KCNAB1: variants seen among roughly 807,000 people sequenced by gnomAD.
KCNAB1 encodes voltage-gated potassium channel subunit beta-1.
KCNAB1 carries 35 observed loss-of-function variants against 64.6 expected under a neutral mutation model. The ratio of observed to expected loss-of-function variants is 0.54; its 90% CI spans 0.41 to 0.72. KCNAB1 has a LOEUF of 0.72. Among genes scored for constraint, KCNAB1 ranks in the 30% least tolerant of loss-of-function variants. The pLI is 0.00. For missense variants in KCNAB1, 401 were observed against 512.9 expected (o/e 0.78, Z 2.11); for synonymous variants, 177 against 183.8 (o/e 0.96, Z 0.30).
chr3:156,240,814 G>C (rs953891415), intron 1 of KCNAB1, among the ~76,000 whole-genome samples: 2 of 152,174 alleles, frequency 1.3e-5, no homozygotes, highest in Non-Finnish European at 2.9e-5. Flanking sequence ...AGCACAAGCA[G>C]TTCATTTGGG....
At chr3:156,505,558 T>G (rs1716779926) in intron 8 of KCNAB1, among the ~76,000 whole-genome samples, 1 of 152,210 alleles carries the variant, frequency 6.6e-6, no homozygotes, top group African/African-American at 2.4e-5. Context: ...CTATTTTTTG[T>G]GTGTTCTCTT....
At chr3:156,532,670 G>C (rs1410282715) in intron 13 of KCNAB1, among the ~76,000 whole-genome samples, 1 of 152,142 alleles carries the variant, frequency 6.6e-6, no homozygotes, top group Non-Finnish European at 1.5e-5. Context: ...CTGTGCAGCC[G>C]TGTAATCACC....
chr3:156,320,280 T>C (rs924652792), intron 1 of KCNAB1, among the ~76,000 whole-genome samples: 3 of 152,212 alleles, frequency 2.0e-5, no homozygotes, highest in Non-Finnish European at 4.4e-5. Flanking sequence ...TCAAGGGAAG[T>C]ACATTTTCCT....
chr3:156,463,718 A>G lies in KCNAB1; in HGVS notation c.499A>G (p.Ile167Val). 6.2e-7 allele frequency: 1 copy of G among 1,605,944 alleles called. No individual in the cohort carries two copies. Among genetic ancestry groups the G allele is most frequent in the East Asian group, 2.2e-5 (1 of 44,676 alleles). ...KKGWRRSSLVITTKLYWGGKA... is the reference protein window; with the variant it reads ...KKGWRRSSLVVTTKLYWGGKA... The stretch of plus-strand genomic sequence containing the variant: ...GATATACAGGAGGTCCAGTCTGGTC[A>G]TAACAACCAAACTCTACTGGGGTGG... The change falls in exon 6 of 14, where the codon ATA (isoleucine) becomes GTA (valine). Residue 167 changes from isoleucine (I) to valine (V), a missense_variant. Physicochemically the swap from Ile to Val is conservative, Grantham distance 29. Coordinates refer to ENST00000490337, the MANE Select transcript of KCNAB1 (RefSeq NM_172160.3).
At chr3:156,223,273 A>T (rs1446023027) in intron 1 of KCNAB1, among the ~76,000 whole-genome samples, 4 of 152,234 alleles carry the variant, frequency 2.6e-5, no homozygotes, top group Non-Finnish European at 5.9e-5. Flanking sequence ...AAAGAGTGAA[A>T]GAACAAAGCT....
intron 2 of KCNAB1, among the ~76,000 whole-genome samples, chr3:156,444,811 T>C (rs1201611995): frequency 1.3e-5 from 2 of 152,238 alleles, no homozygotes; most frequent in African/African-American, 4.8e-5. Flanking sequence ...CTTCCCTCTC[T>C]TATTGAAATA....
intron 1 of KCNAB1, among the ~76,000 whole-genome samples, chr3:156,408,577 C>T (rs1048142296): frequency 1.3e-5 from 2 of 152,042 alleles, no homozygotes; most frequent in South Asian, 2.1e-4. Flanking sequence ...GTCAAGAGTT[C>T]GAGACCAGCC....
chr3:156,468,654 A>G (rs1713617855), intron 7 of KCNAB1, among the ~76,000 whole-genome samples: 1 of 152,192 alleles, frequency 6.6e-6, no homozygotes, highest in African/African-American at 2.4e-5. Flanking sequence ...GTCACATAAT[A>G]AGCACTTAAC....
chr3:156,172,282 C>T (rs1316267153), intron 1 of KCNAB1, among the ~76,000 whole-genome samples: 2 of 143,754 alleles, frequency 1.4e-5, no homozygotes, highest in Non-Finnish European at 1.5e-5. Flanking sequence ...ATTCAAATGG[C>T]TTTTTTTTTT....
chr3:156,280,270 A>T (rs1576672309), intron 1 of KCNAB1, among the ~76,000 whole-genome samples: 1 of 148,694 alleles, frequency 6.7e-6, no homozygotes, highest in South Asian at 2.2e-4. Context: ...CAAAGATCAG[A>T]TAGTTGTAGA....
intron 6 of KCNAB1, among the ~76,000 whole-genome samples, chr3:156,465,036 G>A (rs922074604): frequency 6.6e-6 from 1 of 152,132 alleles, no homozygotes; most frequent in African/African-American, 2.4e-5. Context: ...GAAGAAACAT[G>A]TTATGGATAC....
At chr3:156,335,605 A>C (rs1394060299) in intron 1 of KCNAB1, among the ~76,000 whole-genome samples, 1 of 152,236 alleles carries the variant, frequency 6.6e-6, no homozygotes, top group African/African-American at 2.4e-5. Flanking sequence ...CTAGATTTCC[A>C]GGTAAGGAAG....
chr3:156,252,085 A>AG (rs1396010044), intron 1 of KCNAB1, among the ~76,000 whole-genome samples: 2 of 152,182 alleles, frequency 1.3e-5, no homozygotes, highest in East Asian at 3.9e-4. Context: ...CAGGAAATGG[A>AG]GAGGTGTCTT....
intron 1 of KCNAB1, among the ~76,000 whole-genome samples, chr3:156,145,019 G>A (rs1314571326): frequency 1.3e-5 from 2 of 152,140 alleles, no homozygotes; most frequent in African/African-American, 4.8e-5. Flanking sequence ...TGCTTGAGGG[G>A]AGCAGTCATC....
intron 1 of KCNAB1, among the ~76,000 whole-genome samples, chr3:156,391,992 G>A (rs1476649273): frequency 1.3e-5 from 2 of 152,150 alleles, no homozygotes; most frequent in African/African-American, 2.4e-5. Flanking sequence ...GATTAGCTTG[G>A]AGAAGAGAAC....
chr3:156,397,583 C>T (rs1713555103), intron 1 of KCNAB1, among the ~76,000 whole-genome samples: 2 of 152,154 alleles, frequency 1.3e-5, no homozygotes, highest in African/African-American at 4.8e-5. Context: ...CAGTTTGGCT[C>T]ACAGTCTATG....
intron 12 of KCNAB1, among the ~76,000 whole-genome samples, chr3:156,528,721 G>A (rs180803510): frequency 0.012 from 1,773 of 152,296 alleles, 13 homozygotes; most frequent in Non-Finnish European, 0.014. Flanking sequence ...AGAGGAAGAG[G>A]AGAAAAGCAG....
chr3:156,522,946 CT>C (rs2108407234), intron 11 of KCNAB1, among the ~76,000 whole-genome samples: 1 of 152,304 alleles, frequency 6.6e-6, no homozygotes, highest in African/African-American at 2.4e-5. Flanking sequence ...CTCTTTTCCC[CT>C]GGGTGTTGCT....
intron 1 of KCNAB1, chr3:156,273,555 A>G (rs924432336): frequency 2.2e-6 from 1 of 456,582 alleles, no homozygotes; most frequent in Non-Finnish European, 4.4e-6. Context: ...CTAAGCACAC[A>G]GATGCTCTTT....
Sources: gnomAD v4.1 joint callset for allele counts (sites outside exome capture counted in the v4.1 genomes callset) on GRCh38, gnomAD v4.1.1 for gene constraint, MANE v1.5 for transcripts, NCBI Gene and HGNC (gene_info 2026-07-23, HGNC 2026-07-21) for gene names.